The following GAL3ST2 variants were observed in gnomAD, a reference collection of about 807,000 sequenced individuals.
The protein encoded by GAL3ST2 is beta-galactose-3-O-sulfotransferase 2.
A neutral mutation model predicts 12.9 loss-of-function variants in GAL3ST2; 16 were observed. The observed-to-expected ratio is 1.24, with a 90% CI of 0.84 to 1.88. The LOEUF is 1.88. Ranked by LOEUF, GAL3ST2 falls within the 40% of genes most tolerant of loss-of-function variation. The pLI, the probability that GAL3ST2 is intolerant of heterozygous loss-of-function variation, is 0.00. For synonymous variants in GAL3ST2, 302 were observed against 273.9 expected (o/e 1.10, Z -1.01); for missense variants, 639 against 571.8 (o/e 1.12, Z -1.20).
At chr2:241,782,639 T>C (rs576339535) in intron 1 of GAL3ST2, among the ~76,000 whole-genome samples, 1 of 152,324 alleles carries the variant, frequency 6.6e-6, no homozygotes, top group East Asian at 1.9e-4. Context: ...AGGGGTTGAA[T>C]AGCTTTAATT....
Position 241,793,369 on chromosome 2 carries a change from A to T in GAL3ST2, c.30-5696A>T, listed in dbSNP as rs147929032. 4.6e-5 allele frequency among the ~76,000 whole-genome samples: 7 copies of T among 151,654 alleles called. No individual in the cohort carries two copies. Among genetic ancestry groups the T allele is most frequent in the Non-Finnish European group, 5.9e-5 (4 of 67,922 alleles). ...ATGTATGTGTGTGTATTGTGTGTGT[A>T]TGTATGTATTGTGTATGCATGTGTG... On this transcript the variant is annotated intron_variant, in intron 1 of 3. Transcript: ENST00000192314. This position sits in a 1 kb window ranked among gnomAD's most constrained non-coding sequence, Gnocchi z 4.7.
rs773700892 is a variant in GAL3ST2, at chr2:241,804,168, G to GGGGCCGGGCC, written c.*6_*15dup. 2.1e-6 allele frequency: 3 copies of GGGGCCGGGCC among 1,428,596 alleles called. No homozygotes were observed. The highest frequency in any genetic ancestry group is 2.9e-5 in the South Asian group (2 of 68,180). The allele number at this position is 1,428,596 out of a possible 1,614,324, so 88.5% of individuals were successfully genotyped here. A position where few individuals can be genotyped will look rare whatever the true frequency, so the allele number is the denominator to read the frequency against. The stretch of plus-strand genomic sequence containing the variant: ...AACATCCCGTTCCTGGGGGCGTAGA[G>GGGGCCGGGCC]GGGCCGGGCCGGGGACGAGGCCTCC... On this transcript the variant is annotated 3_prime_UTR_variant, in exon 4 of 4. Coordinates refer to ENST00000192314, the MANE Select transcript of GAL3ST2 (RefSeq NM_022134.3).
intron 1 of GAL3ST2, among the ~76,000 whole-genome samples, chr2:241,778,218 C>G (rs1699519613): frequency 6.6e-6 from 1 of 152,234 alleles, no homozygotes; most frequent in Admixed American, 6.5e-5. Flanking sequence ...GGGAGGCTCA[C>G]CTCGCTTGTG....
At chr2:241,799,681 C>T (rs1575367535) in intron 2 of GAL3ST2, among the ~76,000 whole-genome samples, 1 of 152,202 alleles carries the variant, frequency 6.6e-6, no homozygotes. Context: ...GAAGGGTCTT[C>T]CAGGCCCCGC....
chr2:241,804,014 A>G lies in GAL3ST2; in HGVS notation c.1045A>G (p.Ile349Val). ...CCCCTACCAGTCCGGCAAGGCCGACATCCTGGGTTACAACCTCCGGCCGGG... is the reference window on the plus strand; with the variant it reads ...CCCCTACCAGTCCGGCAAGGCCGACGTCCTGGGTTACAACCTCCGGCCGGG... ...LRPYQSGKAD[I>V]LGYNLRPGLD... Residue 349 changes from isoleucine to valine, a missense_variant, in exon 4 of 4, where the codon ATC becomes GTC. Physicochemically the swap from Ile to Val is conservative, Grantham distance 29 (BLOSUM62 3). Coordinates refer to ENST00000192314, the MANE Select transcript of GAL3ST2 (RefSeq NM_022134.3). 1 of 1,568,602 alleles carries G rather than the reference A, an allele frequency of 6.4e-7. No homozygotes were observed. The highest frequency in any genetic ancestry group is 2.5e-5 in the East Asian group (1 of 40,486).
chr2:241,795,611 T>TA lies in GAL3ST2; in HGVS notation c.30-3450dup, dbSNP rs201043890. Among the ~76,000 whole-genome samples the TA allele has an allele frequency of 0.017, 2,661 of 152,294 alleles. 38 individuals are homozygous for TA. Among genetic ancestry groups the TA allele is most frequent in the South Asian group, 0.058 (279 of 4,826 alleles). On this transcript the variant is annotated intron_variant, in intron 1 of 3. Transcript: ENST00000192314. The surrounding 1 kb of genome is among the most constrained non-coding windows in gnomAD (Gnocchi z 4.5). ...GTTAATCTCTAACTGTGCGGAGCCG[T>TA]AAAACTGCCCTTCCCACCTCGTGCA...
rs1045598723 is a variant in GAL3ST2, at chr2:241,800,835, A to C, written c.120-946A>C. The C allele has an allele frequency of 2.6e-5, 4 of 152,194 alleles. No individual in the cohort carries two copies. The highest frequency in any genetic ancestry group is 4.4e-5 in the Non-Finnish European group (3 of 68,028). The allele number at this position is 152,194 out of a possible 1,614,324, so 9.4% of individuals were successfully genotyped here. On this transcript the variant is annotated intron_variant, in intron 2 of 3. Coordinates refer to ENST00000192314, the MANE Select transcript of GAL3ST2 (RefSeq NM_022134.3). The surrounding 1 kb of genome is among the most constrained non-coding windows in gnomAD (Gnocchi z 5.2). ...TCCCGTGGCAGGTAGAACATAAATAAGTGCAGCGTGTGTGACTTCGCCCCT... is the reference window on the plus strand; with the variant it reads ...TCCCGTGGCAGGTAGAACATAAATACGTGCAGCGTGTGTGACTTCGCCCCT...
rs1392684401 is a variant in GAL3ST2, at chr2:241,795,088, C to T, written c.30-3977C>T. ...ACTCCTGCGTGTAAGGACAGAAACA[C>T]CATCTCTCTGCTTGGTGGAACACAT... On this transcript the variant is annotated intron_variant, in intron 1 of 3. Transcript: ENST00000192314. This position sits in a 1 kb window ranked among gnomAD's most constrained non-coding sequence, Gnocchi z 4.5. 1.3e-5 allele frequency among the ~76,000 whole-genome samples: 2 copies of T among 152,002 alleles called. No individual in the cohort carries two copies. The highest frequency in any genetic ancestry group is 2.9e-5 in the Non-Finnish European group (2 of 67,998).
intron 1 of GAL3ST2, among the ~76,000 whole-genome samples, chr2:241,797,997 C>T (rs1425043396): frequency 6.6e-6 from 1 of 152,198 alleles, no homozygotes; most frequent in African/African-American, 2.4e-5. Context: ...CTACGGCCCA[C>T]GTGGCAACCC....
rs189623332 is a variant in GAL3ST2 at position 241,793,417 on chromosome 2, C to G, written c.30-5648C>G. 3.4e-5 allele frequency among the ~76,000 whole-genome samples: 5 copies of G among 149,186 alleles called. No individual in the cohort carries two copies. The East Asian group carries it at 1.0e-3, about 30-fold the overall frequency. On this transcript the variant is annotated intron_variant, in intron 1 of 3. Coordinates refer to ENST00000192314, the MANE Select transcript of GAL3ST2 (RefSeq NM_022134.3). This position sits in a 1 kb window ranked among gnomAD's most constrained non-coding sequence, Gnocchi z 4.7. ...GTGTGTATATGTATGTATACATGTACGTGTGTATATTGTGTACGTGTATGT... is the reference window on the plus strand; with the variant it reads ...GTGTGTATATGTATGTATACATGTAGGTGTGTATATTGTGTACGTGTATGT...
intron 1 of GAL3ST2, among the ~76,000 whole-genome samples, chr2:241,790,813 G>C (rs1004320710): frequency 3.3e-5 from 5 of 152,180 alleles, no homozygotes; most frequent in African/African-American, 1.2e-4. Flanking sequence ...TTTTAGGTCT[G>C]ATGAGAAACA....
intron 1 of GAL3ST2, among the ~76,000 whole-genome samples, chr2:241,797,718 C>T (rs748494037): frequency 1.3e-5 from 2 of 152,040 alleles, no homozygotes; most frequent in Non-Finnish European, 2.9e-5. Flanking sequence ...TTCCACGTCC[C>T]GGGAGGGTGA....
At chr2:241,777,636 G>A (rs761792698) in intron 1 of GAL3ST2, among the ~76,000 whole-genome samples, 4 of 152,202 alleles carry the variant, frequency 2.6e-5, no homozygotes, top group African/African-American at 7.2e-5. Context: ...TCCCCGGGGC[G>A]TGTGCCGCCA....
chr2:241,786,979 A>G (rs1438759611), intron 1 of GAL3ST2, among the ~76,000 whole-genome samples: 1 of 152,170 alleles, frequency 6.6e-6, no homozygotes, highest in Non-Finnish European at 1.5e-5. Context: ...CACTGAGACA[A>G]ATGCATATCT....
chr2:241,788,990 C>T (rs1023960899), intron 1 of GAL3ST2, among the ~76,000 whole-genome samples: 1 of 152,132 alleles, frequency 6.6e-6, no homozygotes, highest in African/African-American at 2.4e-5. Flanking sequence ...GAGAATGATC[C>T]CCTTTTGAGC....
intron 1 of GAL3ST2, among the ~76,000 whole-genome samples, chr2:241,780,722 A>G (rs1202076794): frequency 2.0e-5 from 3 of 152,240 alleles, no homozygotes; most frequent in Non-Finnish European, 2.9e-5. Flanking sequence ...GGAATCTCAG[A>G]TAAGACTTTT....
At chr2:241,781,438 A>G (rs1699564857) in intron 1 of GAL3ST2, among the ~76,000 whole-genome samples, 1 of 152,168 alleles carries the variant, frequency 6.6e-6, no homozygotes, top group South Asian at 2.1e-4. Context: ...AGAGTTCTAT[A>G]GCTGATTATA....
At position 241,802,091 on chromosome 2, in the gene GAL3ST2, G is replaced by T; in HGVS notation, c.375+55G>T. 1.9e-6 allele frequency: 3 copies of T among 1,543,740 alleles called. No individual in the cohort carries two copies. The highest frequency in any genetic ancestry group is 3.9e-5 in the Admixed American group (2 of 51,468). On this transcript the variant is annotated intron_variant, in intron 3 of 3. Transcript: ENST00000192314. This position sits in a 1 kb window ranked among gnomAD's most constrained non-coding sequence, Gnocchi z 4.8. ...GGCTGCAGCCGTGCCTGTGGCTGTG[G>T]GTCTGGGTGGTGTAGCCTGGAGGCT...
At chr2:241,778,502 G>A (rs2125187927) in intron 1 of GAL3ST2, among the ~76,000 whole-genome samples, 1 of 152,374 alleles carries the variant, frequency 6.6e-6, no homozygotes, top group Admixed American at 6.5e-5. Flanking sequence ...TGGGGGTGTT[G>A]CCTCCCTGGG....
Sources: gnomAD v4.1 joint callset for allele counts (sites outside exome capture counted in the v4.1 genomes callset) on GRCh38, gnomAD v4.1.1 for gene constraint, Gnocchi (gnomAD v3.1) non-coding constraint, MANE v1.5 for transcripts, NCBI Gene and HGNC (gene_info 2026-07-23, HGNC 2026-07-21) for gene names.